AP5Z1: variants seen among roughly 807,000 people sequenced by gnomAD.
The protein encoded by AP5Z1 is AP-5 complex subunit zeta-1.
Under a neutral mutation model 83.0 loss-of-function variants are expected in AP5Z1, and 106 were observed. The observed-to-expected ratio is 1.28, with a 90% CI of 1.09 to 1.50. AP5Z1 has a LOEUF of 1.50. Among genes scored for constraint, AP5Z1 ranks in the 40% most tolerant of loss-of-function variants. The pLI is 0.00. For synonymous variants in AP5Z1, 751 were observed against 514.1 expected, an observed-to-expected ratio of 1.46 and a Z score of -6.23; for missense variants, 1,565 against 1,094.2, an observed-to-expected ratio of 1.43 and a Z score of -6.07.
In AP5Z1 at chr7:4,783,490, G is replaced by A. The variant is rs762362661; in HGVS notation, c.511+30G>A. 3.1e-6 allele frequency: 5 copies of A among 1,604,430 alleles called. No homozygotes were observed. In the South Asian group the frequency reaches 4.4e-5, roughly 14 times the overall value. On this transcript the variant is annotated intron_variant, in intron 4 of 16. Coordinates refer to ENST00000649063, the MANE Select transcript of AP5Z1 (RefSeq NM_014855.3). Reference sequence around the variant, plus strand: ...GCGGGGCCCCTCCCAAGAGGCTGTTGGGGGTCTGCCTTCCCAGGTCCTTCC... The same window carrying A: ...GCGGGGCCCCTCCCAAGAGGCTGTTAGGGGTCTGCCTTCCCAGGTCCTTCC...
intron 6 of AP5Z1, among the ~76,000 whole-genome samples, chr7:4,784,597 G>A (rs982056460): frequency 2.6e-5 from 4 of 152,166 alleles, no homozygotes; most frequent in Admixed American, 6.6e-5. Context: ...TGGACACCCC[G>A]TGACCCTCAT....
intron 1 of AP5Z1, among the ~76,000 whole-genome samples, chr7:4,778,464 A>G (rs1781282228): frequency 6.6e-6 from 1 of 152,126 alleles, no homozygotes; most frequent in Non-Finnish European, 1.5e-5. Flanking sequence ...TATCAGGCAC[A>G]GGGTCTGTGC....
At chr7:4,789,693 C>T (rs1781685326) in intron 13 of AP5Z1, 139 bp from the exon 14 acceptor site, 1 of 618,428 alleles carries the variant, frequency 1.6e-6, no homozygotes, top group Non-Finnish European at 2.8e-6. Context: ...GTCTCTGTGT[C>T]CCTGGGTGTT....
intron 1 of AP5Z1, among the ~76,000 whole-genome samples, chr7:4,776,560 TACAAAA>T (rs1193359987): frequency 2.3e-5 from 1 of 43,546 alleles, no homozygotes; most frequent in African/African-American, 1.2e-4. Flanking sequence ...CTACTGAAAA[TACAAAA>T]AAAAAAAAAA....
chr7:4,785,322 G>A (rs1781507338), intron 7 of AP5Z1, 93 bp from the exon 8 acceptor site: 2 of 1,509,394 alleles, frequency 1.3e-6, no homozygotes, highest in South Asian at 1.3e-5. Flanking sequence ...CCTGCTCCCG[G>A]TCCTGCCTGG....
Position 4,791,269 on chromosome 7 carries a change from C to A in AP5Z1, c.2308C>A (p.Pro770Thr). Residue 770 changes from proline (P) to threonine (T), a missense_variant, in exon 17 of 17, where the codon CCC (proline) becomes ACC (threonine). Pro to Thr is a conservative substitution (Grantham distance 38). Transcript: ENST00000649063. ...MPSVAQFVLT[P>T]STEVCSPRYH... Reference sequence around the variant, plus strand: ...TAGCGTGGCCCAGTTTGTGCTCACACCCAGCACGGAGGTGTGCAGCCCCCG... The same window carrying A: ...TAGCGTGGCCCAGTTTGTGCTCACAACCAGCACGGAGGTGTGCAGCCCCCG... 1.9e-6 allele frequency: 3 copies of A among 1,612,726 alleles called. No individual in the cohort carries two copies. The highest frequency in any genetic ancestry group is 2.5e-6 in the Non-Finnish European group (3 of 1,179,858).
chr7:4,787,114 G>A lies in AP5Z1; in HGVS notation c.1312-520G>A, dbSNP rs117120605. 1.3e-3 allele frequency among the ~76,000 whole-genome samples: 192 copies of A among 152,184 alleles called. 4 individuals carry two copies. The East Asian group carries it at 0.031, about 25-fold the overall frequency. Reference sequence around the variant, plus strand: ...GAAGTGTCTTTTGCAGCCTCGCCTCGCTGTAAGGTCTTTTCAACTGAGGTG... The same window carrying A: ...GAAGTGTCTTTTGCAGCCTCGCCTCACTGTAAGGTCTTTTCAACTGAGGTG... On this transcript the variant is annotated intron_variant, in intron 10 of 16. Transcript: ENST00000649063.
In AP5Z1 at chr7:4,781,084, A is replaced by G. The variant is rs1237750945; in HGVS notation, c.42-91A>G. The stretch of plus-strand genomic sequence containing the variant: ...TCCACACACTCGGCTTCTCTTTTCT[A>G]AAGAGGGATTTTCCCTGCTCCAAGG... On this transcript the variant is annotated intron_variant, in intron 1 of 16. Coordinates refer to ENST00000649063, the MANE Select transcript of AP5Z1 (RefSeq NM_014855.3). 6.7e-6 allele frequency: 10 copies of G among 1,500,534 alleles called. No individual in the cohort carries two copies. The African/African-American group carries it at 1.1e-4, about 17-fold the overall frequency. 93.0% of individuals were successfully genotyped at this position (1,500,534 alleles called of 1,614,324 possible). A position where few individuals can be genotyped will look rare whatever the true frequency, so the allele number is the denominator to read the frequency against.
intron 1 of AP5Z1, among the ~76,000 whole-genome samples, chr7:4,776,059 T>C (rs1171805034): frequency 6.6e-6 from 1 of 152,182 alleles, no homozygotes; most frequent in Non-Finnish European, 1.5e-5. Context: ...ACTCCGCGTC[T>C]GGCAGGAAAT....
rs778066745 is a variant in AP5Z1 at position 4,786,391 on chromosome 7, T to G, written c.1274T>G (p.Leu425Arg). ...AACCTCCACCTGTTCAGCGGGCACC[T>G]CAGCACCCTCAGATTGAGCTTCCCC... The part of the protein sequence containing the change: ...RDNLHLFSGH[L>R]STLRLSFPNL... The change falls in exon 10 of 17, where the codon CTC (leucine) becomes CGC (arginine). Residue 425 changes from leucine (L) to arginine (R), a missense_variant. Transcript: ENST00000649063. 13 of 1,613,884 alleles carry G rather than the reference T, an allele frequency of 8.1e-6. No individual in the cohort carries two copies. The South Asian group carries it at 1.2e-4, about 15-fold the overall frequency.
At chr7:4,776,030 C>T (rs1201512862) in intron 1 of AP5Z1, among the ~76,000 whole-genome samples, 3 of 152,266 alleles carry the variant, frequency 2.0e-5, no homozygotes, top group African/African-American at 2.4e-5. Context: ...ACAGTTTAGT[C>T]AAAGGCTTGG....
chr7:4,776,455 G>A (rs1438859398), intron 1 of AP5Z1, among the ~76,000 whole-genome samples: 2 of 151,714 alleles, frequency 1.3e-5, no homozygotes, highest in Admixed American at 6.6e-5. Flanking sequence ...GGTGGCTCAC[G>A]CCTGTAATCC....
chr7:4,786,504 GTTC>G, intron 10 of AP5Z1, 76 bp downstream of exon 10: 1 of 1,547,240 alleles, frequency 6.5e-7, no homozygotes, highest in Non-Finnish European at 8.8e-7. Context: ...TTCCAGCGGG[GTTC>G]AGGGCGAGTC....
In AP5Z1 at chr7:4,783,675, C is replaced by T; in HGVS notation, c.512-14C>T. 6.5e-7 allele frequency: 1 copy of T among 1,547,812 alleles called. No homozygotes were observed. The highest frequency in any genetic ancestry group is 1.7e-4 in the Middle Eastern group (1 of 5,968). On this transcript the variant is annotated splice_polypyrimidine_tract_variant and intron_variant, in intron 4 of 16. Coordinates refer to ENST00000649063, the MANE Select transcript of AP5Z1 (RefSeq NM_014855.3). ...ATTCAACCTCACCTCCCCATGCCAC[C>T]CCACCCACTGCAGACCAGGCCACCC...
At position 4,787,921 on chromosome 7, in the gene AP5Z1, C is replaced by T. The variant is rs557708260; in HGVS notation, c.1454+145C>T. 7.5e-4 allele frequency: 907 copies of T among 1,210,026 alleles called. 1 individual carries two copies. Among genetic ancestry groups the T allele is most frequent in the Non-Finnish European group, 9.4e-4 (841 of 890,132 alleles). 75.0% of individuals were successfully genotyped at this position (1,210,026 alleles called of 1,614,324 possible). ...CCTGACCAGTCCTCCCCTGCAAAGC[C>T]ACCTCTAGGACAGGGTGTGTCTGTC... is the stretch of plus-strand genomic sequence containing the variant. On this transcript the variant is annotated intron_variant, in intron 11 of 16. Transcript: ENST00000649063.
At chr7:4,790,360 C>A in intron 14 of AP5Z1, 99 bp from the exon 15 acceptor site, 1 of 1,581,040 alleles carries the variant, frequency 6.3e-7, no homozygotes. Context: ...CATACACCTA[C>A]CACTCAGACG....
chr7:4,790,248 T>G lies in AP5Z1; in HGVS notation c.1806-211T>G, dbSNP rs979622921. ...ATGCAGGCCCATCCTGGTTCCACTCTGAGCCTGGGCCTGAGGCCAGCGCTG... is the reference window on the plus strand; with the variant it reads ...ATGCAGGCCCATCCTGGTTCCACTCGGAGCCTGGGCCTGAGGCCAGCGCTG... On this transcript the variant is annotated intron_variant, in intron 14 of 16. Coordinates refer to ENST00000649063, the MANE Select transcript of AP5Z1 (RefSeq NM_014855.3). 6 of 1,545,838 alleles carry G rather than the reference T, an allele frequency of 3.9e-6. No homozygotes were observed. In the Admixed American group the frequency reaches 5.7e-5, roughly 15 times the overall value.
At chr7:4,790,913 C>T (rs770531531) in intron 16 of AP5Z1, 26 bp downstream of exon 16, 27 of 1,557,888 alleles carry the variant, frequency 1.7e-5, no homozygotes, top group African/African-American at 4.1e-5. Flanking sequence ...GGGAGCGAAG[C>T]CTTCTGGCTC....
intron 1 of AP5Z1, among the ~76,000 whole-genome samples, chr7:4,779,721 ACCT>A (rs956391051): frequency 2.0e-5 from 3 of 150,992 alleles, no homozygotes; most frequent in Non-Finnish European, 4.4e-5. Context: ...GCTCACTGCA[ACCT>A]CCTCCTCCCG....
Sources: gnomAD v4.1 joint callset for allele counts (sites outside exome capture counted in the v4.1 genomes callset) on GRCh38, gnomAD v4.1.1 for gene constraint, MANE v1.5 for transcripts, NCBI Gene and HGNC (gene_info 2026-07-23, HGNC 2026-07-21) for gene names.